Variants in ZNF532 observed in about 807,000 individuals in gnomAD.
The protein encoded by ZNF532 is zinc finger protein 532.
In ZNF532, 22 loss-of-function variants were observed where a neutral mutation model predicts 89.3. That is an observed-to-expected ratio of 0.25 (90% confidence interval 0.18 to 0.35). The LOEUF is 0.35. Ranked by LOEUF, ZNF532 falls within the 10% of genes least tolerant of loss-of-function variation. ZNF532 has a pLI of 1.00. For synonymous variants in ZNF532, 606 were observed against 649.6 expected (o/e 0.93, Z 1.02); for missense variants, 1,132 against 1,643.4 (o/e 0.69, Z 5.38).
intron 5 of ZNF532, among the ~76,000 whole-genome samples, chr18:58,941,989 T>TC (rs530573606): frequency 1.6e-5 from 2 of 126,942 alleles, no homozygotes; most frequent in Non-Finnish European, 1.7e-5. Context: ...CTTCCCTCCT[T>TC]CCCTTCCTTC....
chr18:58,891,790 C>T (rs1351509426), intron 2 of ZNF532, among the ~76,000 whole-genome samples: 1 of 152,174 alleles, frequency 6.6e-6, no homozygotes, highest in African/African-American at 2.4e-5. Context: ...TCCTCTTTCC[C>T]ACCCTGGTGT....
chr18:58,923,111 C>T (rs1425276869), intron 3 of ZNF532, among the ~76,000 whole-genome samples: 2 of 152,084 alleles, frequency 1.3e-5, no homozygotes, highest in Non-Finnish European at 2.9e-5. Flanking sequence ...ATTTAACTCT[C>T]AGACCAGATA....
intron 5 of ZNF532, among the ~76,000 whole-genome samples, 170 bp from the exon 6 acceptor site, chr18:58,947,897 T>G (rs530642444): frequency 2.6e-5 from 4 of 152,216 alleles, no homozygotes; most frequent in African/African-American, 7.2e-5. Context: ...TATGGTTGAG[T>G]AATGCCAGTT....
At chr18:58,904,685 G>C (rs1187748225) in intron 2 of ZNF532, among the ~76,000 whole-genome samples, 1 of 152,100 alleles carries the variant, frequency 6.6e-6, no homozygotes, top group Non-Finnish European at 1.5e-5. Flanking sequence ...TCCAGTTGTT[G>C]TGTTGCGTAC....
At chr18:58,906,412 T>A (rs1602937728) in intron 2 of ZNF532, among the ~76,000 whole-genome samples, 1 of 152,212 alleles carries the variant, frequency 6.6e-6, no homozygotes, top group South Asian at 2.1e-4. Context: ...ACACGCCCCA[T>A]CAGTGTAGTT....
chr18:58,948,728 C>T (rs1033681153), intron 6 of ZNF532, among the ~76,000 whole-genome samples: 4 of 151,896 alleles, frequency 2.6e-5, no homozygotes, highest in Admixed American at 1.3e-4. Context: ...CCACCACACC[C>T]GGCTAATTTT....
chr18:58,909,703 A>G (rs938021044), intron 2 of ZNF532, among the ~76,000 whole-genome samples: 4 of 152,136 alleles, frequency 2.6e-5, no homozygotes, highest in Non-Finnish European at 4.4e-5. Context: ...GGGAACACGG[A>G]TTGGGAATGG....
intron 2 of ZNF532, among the ~76,000 whole-genome samples, chr18:58,913,722 C>A (rs1250922001): frequency 6.6e-6 from 1 of 152,114 alleles, no homozygotes; most frequent in Non-Finnish European, 1.5e-5. Context: ...CCAAAGCAGA[C>A]CTTGTATTAT....
intron 7 of ZNF532, among the ~76,000 whole-genome samples, chr18:58,970,737 A>T (rs1209817205): frequency 6.6e-6 from 1 of 152,252 alleles, no homozygotes; most frequent in Non-Finnish European, 1.5e-5. Context: ...CTGACAGAGA[A>T]GAGATGTGAG....
chr18:58,963,624 T>C (rs2065590879), intron 7 of ZNF532, among the ~76,000 whole-genome samples: 1 of 147,386 alleles, frequency 6.8e-6, no homozygotes, highest in East Asian at 1.9e-4. Context: ...TGTGTGTGTG[T>C]GTGTGTGTGT....
chr18:58,974,508 A>C (rs556218479), intron 7 of ZNF532, among the ~76,000 whole-genome samples: 1 of 152,240 alleles, frequency 6.6e-6, no homozygotes, highest in Non-Finnish European at 1.5e-5. Flanking sequence ...GACTTCTGCT[A>C]TAACACTTAT....
At chr18:58,936,295 A>G (rs2062467188) in intron 4 of ZNF532, among the ~76,000 whole-genome samples, 1 of 152,276 alleles carries the variant, frequency 6.6e-6, no homozygotes. Context: ...CGTTCTTGCC[A>G]TCACGTTTTG....
At position 58,985,145 on chromosome 18, in the gene ZNF532, G is replaced by A. The variant is rs1471041705; in HGVS notation, c.*679G>A. The stretch of plus-strand genomic sequence containing the variant: ...TGAAGCTAGGAATCTAATAAGGAAT[G>A]CTGATTTCCTCAGTTCCATTTTGAG... On this transcript the variant is annotated 3_prime_UTR_variant, in exon 10 of 10. Transcript: ENST00000591808. 6.6e-6 allele frequency: 1 copy of A among 152,150 alleles called. No individual in the cohort carries two copies. The highest frequency in any genetic ancestry group is 1.5e-5 in the Non-Finnish European group (1 of 68,032). 9.4% of individuals were successfully genotyped at this position (152,150 alleles called of 1,614,324 possible). A position where few individuals can be genotyped will look rare whatever the true frequency, so the allele number is the denominator to read the frequency against.
intron 2 of ZNF532, among the ~76,000 whole-genome samples, chr18:58,873,779 C>T (rs186154444): frequency 6.6e-6 from 1 of 152,294 alleles, no homozygotes; most frequent in Non-Finnish European, 1.5e-5. Flanking sequence ...AATTTGAAAA[C>T]TGATTTTACT....
At chr18:58,888,190 T>C (rs1330177488) in intron 2 of ZNF532, among the ~76,000 whole-genome samples, 2 of 152,166 alleles carry the variant, frequency 1.3e-5, no homozygotes, top group East Asian at 3.8e-4. Flanking sequence ...ATAAAACTTT[T>C]AGATAGTTCA....
chr18:58,946,042 TTAA>T (rs1350001426), intron 5 of ZNF532, among the ~76,000 whole-genome samples: 1 of 152,150 alleles, frequency 6.6e-6, no homozygotes, highest in Non-Finnish European at 1.5e-5. Flanking sequence ...TCTATCCTTT[TTAA>T]AACAATTGTC....
chr18:58,954,329 T>A, intron 7 of ZNF532: 1 of 898,766 alleles, frequency 1.1e-6, no homozygotes, highest in Non-Finnish European at 1.3e-6. Context: ...CTTTCTCTTT[T>A]AAATAGTAAG....
At chr18:58,890,290 G>GTATA (rs1568252835) in intron 2 of ZNF532, among the ~76,000 whole-genome samples, 1 of 150,968 alleles carries the variant, frequency 6.6e-6, no homozygotes, top group East Asian at 1.9e-4. Context: ...ATATATACAC[G>GTATA]TATATATATA....
intron 6 of ZNF532, 39 bp downstream of exon 6, chr18:58,948,268 G>C: frequency 6.4e-7 from 1 of 1,557,880 alleles, no homozygotes; most frequent in Non-Finnish European, 8.7e-7. Context: ...ATGAATTGCA[G>C]ATCCATTCAT....
Sources: allele counts gnomAD v4.1 joint callset (sites outside exome capture counted in the v4.1 genomes callset), GRCh38; gene constraint gnomAD v4.1.1; transcripts MANE v1.5; gene names NCBI Gene and HGNC (gene_info 2026-07-23, HGNC 2026-07-21).